The following SIK3 variants were observed in gnomAD, a reference collection of about 807,000 sequenced individuals.
SIK3 encodes serine/threonine-protein kinase SIK3.
A neutral mutation model predicts 144.2 loss-of-function variants in SIK3; 28 were observed. That is an observed-to-expected ratio of 0.19 (90% CI 0.14 to 0.27). The LOEUF is 0.27. SIK3 is among the 10% of genes least tolerant of loss of function. The probability of loss-of-function intolerance (pLI) is 1.00; values close to 1 mark genes in which losing one functional copy is unlikely to be tolerated. For missense variants in SIK3, 1,319 were observed against 1,776.0 expected (o/e 0.74, Z 4.62); for synonymous variants, 686 against 676.3 (o/e 1.01, Z -0.22).
intron 1 of SIK3, among the ~76,000 whole-genome samples, chr11:117,028,852 C>T (rs1360544974): frequency 6.6e-6 from 1 of 152,098 alleles, no homozygotes; most frequent in Non-Finnish European, 1.5e-5. Context: ...CGGTGAGAAA[C>T]ATGCTGACAT....
chr11:116,916,469 T>C (rs1946635600), intron 4 of SIK3, among the ~76,000 whole-genome samples: 1 of 152,164 alleles, frequency 6.6e-6, no homozygotes, highest in Non-Finnish European at 1.5e-5. Flanking sequence ...CCTCACTCTT[T>C]TTGACATTGC....
At chr11:117,016,398 A>AG (rs1951536786) in intron 1 of SIK3, among the ~76,000 whole-genome samples, 1 of 74,928 alleles carries the variant, frequency 1.3e-5, no homozygotes, top group African/African-American at 8.2e-5. Flanking sequence ...GAGGGAGGGA[A>AG]GGAAGGAAGG....
intron 1 of SIK3, among the ~76,000 whole-genome samples, chr11:117,021,455 A>T (rs1260754106): frequency 1.3e-5 from 2 of 152,124 alleles, no homozygotes; most frequent in Admixed American, 1.3e-4. Flanking sequence ...TAGCACGCTG[A>T]TGAGGTAAAT....
intron 3 of SIK3, among the ~76,000 whole-genome samples, chr11:116,949,567 C>G (rs1343677133): frequency 6.6e-6 from 1 of 152,148 alleles, no homozygotes. Context: ...ATGCTGACCT[C>G]CAACTCCTAG....
At chr11:116,951,272 A>T (rs1948920923) in intron 3 of SIK3, among the ~76,000 whole-genome samples, 1 of 152,164 alleles carries the variant, frequency 6.6e-6, no homozygotes, top group South Asian at 2.1e-4. Context: ...TTTTTTACAC[A>T]GACATTTTTA....
chr11:117,075,369 T>C (rs1312480410), intron 1 of SIK3, among the ~76,000 whole-genome samples: 1 of 152,162 alleles, frequency 6.6e-6, no homozygotes, highest in East Asian at 1.9e-4. Context: ...TGACAACTCA[T>C]TTCCTGGGCC....
chr11:116,978,428 T>C (rs1443265188), intron 1 of SIK3, among the ~76,000 whole-genome samples: 3 of 152,184 alleles, frequency 2.0e-5, no homozygotes, highest in Admixed American at 2.0e-4. Context: ...CTTTTCTTTA[T>C]AATCTTACCA....
At chr11:116,965,007 C>G (rs1440194220) in intron 1 of SIK3, among the ~76,000 whole-genome samples, 1 of 152,108 alleles carries the variant, frequency 6.6e-6, no homozygotes, top group African/African-American at 2.4e-5. Context: ...ATAGTTCATG[C>G]ATTTCCAATG....
chr11:116,944,315 A>C (rs912432511), intron 3 of SIK3, among the ~76,000 whole-genome samples: 1 of 152,176 alleles, frequency 6.6e-6, no homozygotes, highest in Admixed American at 6.5e-5. Context: ...AGAGAGTCTA[A>C]TAACATGATT....
chr11:117,067,847 C>A (rs942468051), intron 1 of SIK3, among the ~76,000 whole-genome samples: 2 of 151,950 alleles, frequency 1.3e-5, no homozygotes, highest in African/African-American at 4.8e-5. Context: ...ATTAGCTGGG[C>A]ATGGTGACAG....
Position 116,956,963 on chromosome 11 carries a change from G to A in SIK3, c.375C>T (p.Ile125=), listed in dbSNP as rs1413670096. Residue 125 remains isoleucine, a synonymous_variant, in exon 2 of 25, where the codon ATC becomes ATT. Transcript: ENST00000445177. The part of the protein sequence containing the change: ...QIMKMLCHPH[I]IRLYQVMETE... ...ATGATCCTACCTGGTAGAGCCTGAT[G>A]ATATGGGGGTGGCAAAGCATCTTCA... 1 of 1,605,122 alleles carries A rather than the reference G, an allele frequency of 6.2e-7. No individual in the cohort carries two copies. Among genetic ancestry groups the A allele is most frequent in the South Asian group, 1.1e-5 (1 of 89,476 alleles).
At chr11:117,006,487 A>T (rs1368592784) in intron 1 of SIK3, among the ~76,000 whole-genome samples, 1 of 152,142 alleles carries the variant, frequency 6.6e-6, no homozygotes, top group Non-Finnish European at 1.5e-5. Context: ...TGAAAGTGCG[A>T]GGTGGTGAGG....
In SIK3 at chr11:116,873,979, A is replaced by T; in HGVS notation, c.1505T>A (p.Val502Glu). Residue 502 changes from valine to glutamate, a missense_variant, in exon 12 of 25, where the codon GTG (valine) becomes GAG (glutamate). Physicochemically the swap from Val to Glu is moderately radical, Grantham distance 121. Around this residue, in one of 8 missense-constraint regions of SIK3, gnomAD observed 167 missense variants for 263.3 expected, o/e 0.63. Coordinates refer to ENST00000445177, the MANE Select transcript of SIK3 (RefSeq NM_001366686.3). ...GVNPQAPFLQ[V>E]APNVNFMHNL... ...GTGCATGAAGTTCACATTAGGGGCC[A>T]CCTGCAGGAATGGAGCCTGGGGGTT... The T allele has an allele frequency of 6.2e-7, 1 of 1,614,070 alleles. No individual in the cohort carries two copies. The highest frequency in any genetic ancestry group is 8.5e-7 in the Non-Finnish European group (1 of 1,179,990).
At chr11:117,051,032 C>A (rs962674762) in intron 1 of SIK3, among the ~76,000 whole-genome samples, 1 of 152,090 alleles carries the variant, frequency 6.6e-6, no homozygotes, top group African/African-American at 2.4e-5. Flanking sequence ...AAGAGATTAG[C>A]ATTTGAATCA....
At chr11:116,862,440 G>C (rs1301867860) in intron 16 of SIK3, 113 bp from the exon 17 acceptor site, 1 of 1,378,274 alleles carries the variant, frequency 7.3e-7, no homozygotes, top group Non-Finnish European at 1.0e-6. Context: ...AGCCGCAAGA[G>C]AACAGTGTCC....
chr11:117,030,445 T>C lies in SIK3; in HGVS notation c.273+67698A>G, dbSNP rs567394378. Among the ~76,000 whole-genome samples the C allele has an allele frequency of 2.6e-5, 4 of 152,344 alleles. No homozygotes were observed. The South Asian group carries it at 6.2e-4, about 24-fold the overall frequency. On this transcript the variant is annotated intron_variant, in intron 1 of 24. Coordinates refer to ENST00000445177, the MANE Select transcript of SIK3 (RefSeq NM_001366686.3). ...ATTTAAAATCTATATTCATGGATAA[T>C]TTTAAGTGATAAAAATACTCATGAT...
At chr11:117,038,215 T>G (rs569751415) in intron 1 of SIK3, among the ~76,000 whole-genome samples, 1 of 152,276 alleles carries the variant, frequency 6.6e-6, no homozygotes, top group South Asian at 2.1e-4. Flanking sequence ...AAGCACAATC[T>G]TCCTGTTTTC....
intron 4 of SIK3, among the ~76,000 whole-genome samples, chr11:116,911,968 T>C (rs1946370989): frequency 6.6e-6 from 1 of 152,174 alleles, no homozygotes; most frequent in Admixed American, 6.5e-5. Context: ...TTAAGATGGA[T>C]ACGCACACCT....
At chr11:116,931,914 G>A (rs745779067) in intron 3 of SIK3, among the ~76,000 whole-genome samples, 9 of 152,184 alleles carry the variant, frequency 5.9e-5, no homozygotes, top group Non-Finnish European at 1.2e-4. Flanking sequence ...GAGGAAGAGG[G>A]TTTGTCATTT....
Sources: allele counts gnomAD v4.1 joint callset (sites outside exome capture counted in the v4.1 genomes callset), GRCh38; gene constraint gnomAD v4.1.1; regional missense constraint gnomAD v4.1.1; transcripts MANE v1.5; gene names NCBI Gene and HGNC (gene_info 2026-07-23, HGNC 2026-07-21).